The following PTPRG variants were observed in gnomAD, a reference collection of about 807,000 sequenced individuals.
PTPRG encodes protein tyrosine phosphatase receptor type G.
In PTPRG, 102 loss-of-function variants were observed where a neutral mutation model predicts 165.3. The observed-to-expected ratio is 0.62, with a 90% CI of 0.53 to 0.73. The LOEUF (loss-of-function observed/expected upper bound fraction) is 0.73. Among genes scored for constraint, PTPRG ranks in the 30% least tolerant of loss-of-function variants. The probability of loss-of-function intolerance (pLI) is 0.00; values close to 1 mark genes in which losing one functional copy is unlikely to be tolerated. For synonymous variants in PTPRG, 675 were observed against 669.5 expected, an observed-to-expected ratio of 1.01 and a Z score of -0.13; for missense variants, 1,866 against 1,861.4, an observed-to-expected ratio of 1.00 and a Z score of -0.05.
intron 1 of PTPRG, among the ~76,000 whole-genome samples, chr3:61,711,033 G>T (rs1372622741): frequency 6.6e-6 from 1 of 151,876 alleles, no homozygotes; most frequent in African/African-American, 2.4e-5. Context: ...TTGGTTTTCT[G>T]TTCCTTTGTT....
intron 2 of PTPRG, among the ~76,000 whole-genome samples, chr3:61,766,089 C>T (rs921455532): frequency 2.6e-5 from 4 of 152,114 alleles, no homozygotes; most frequent in African/African-American, 9.7e-5. Flanking sequence ...TGCAGGTCTA[C>T]GAGGAGTTTG....
chr3:62,255,047 G>T lies in PTPRG; in HGVS notation c.2468-77G>T. 8.1e-7 allele frequency: 1 copy of T among 1,229,222 alleles called. No individual in the cohort carries two copies. The highest frequency in any genetic ancestry group is 1.2e-6 in the Non-Finnish European group (1 of 861,254). 76.1% of individuals were successfully genotyped at this position (1,229,222 alleles called of 1,614,324 possible). On this transcript the variant is annotated intron_variant, in intron 15 of 29. Transcript: ENST00000474889. The surrounding 1 kb of genome is among the most constrained non-coding windows in gnomAD (Gnocchi z 4.0). ...GCAAAAATCAAGTATTTGTCTTAAG[G>T]ATGCTTTGCTTTATCAGTGTAATTT...
rs1390434136 is a variant in PTPRG at position 62,190,721 on chromosome 3, T to G, written c.1034-748T>G. Among the ~76,000 whole-genome samples the G allele has an allele frequency of 1.3e-5, 2 of 152,196 alleles. No homozygotes were observed. Among genetic ancestry groups the G allele is most frequent in the Non-Finnish European group, 2.9e-5 (2 of 68,030 alleles). The stretch of plus-strand genomic sequence containing the variant: ...TATTTACACTCGGACCTGTTTACAA[T>G]AAGATTTCGTCTACAATTTTAGTTA... On this transcript the variant is annotated intron_variant, in intron 8 of 29. Transcript: ENST00000474889. The surrounding 1 kb of genome is among the most constrained non-coding windows in gnomAD (Gnocchi z 5.2).
At chr3:62,108,666 G>A (rs1702559820) in intron 5 of PTPRG, among the ~76,000 whole-genome samples, 1 of 152,206 alleles carries the variant, frequency 6.6e-6, no homozygotes, top group African/African-American at 2.4e-5. Flanking sequence ...CTCCAACAGT[G>A]TAAAAGCGTT....
chr3:62,032,964 T>A (rs1179323881), intron 4 of PTPRG, among the ~76,000 whole-genome samples: 2 of 152,324 alleles, frequency 1.3e-5, no homozygotes, highest in Non-Finnish European at 2.9e-5. Context: ...AATGGTTGAA[T>A]GACCGACCTA....
At chr3:61,591,642 G>A (rs1299175692) in intron 1 of PTPRG, among the ~76,000 whole-genome samples, 4 of 152,218 alleles carry the variant, frequency 2.6e-5, no homozygotes, top group African/African-American at 9.6e-5. Flanking sequence ...AGTGAGGTGT[G>A]TAGAGGAACT....
intron 13 of PTPRG, among the ~76,000 whole-genome samples, chr3:62,230,308 G>A (rs377679917): frequency 1.3e-5 from 2 of 152,196 alleles, no homozygotes; most frequent in Non-Finnish European, 2.9e-5. Context: ...AACCACCAGC[G>A]GACTCAATAG....
chr3:62,247,154 G>T (rs1343816404), intron 15 of PTPRG, among the ~76,000 whole-genome samples: 1 of 152,104 alleles, frequency 6.6e-6, no homozygotes. Flanking sequence ...TATAGAGACA[G>T]GTACAGTTGA....
intron 7 of PTPRG, among the ~76,000 whole-genome samples, chr3:62,159,214 C>T (rs1200687127): frequency 6.6e-6 from 1 of 151,852 alleles, no homozygotes; most frequent in African/African-American, 2.4e-5. Flanking sequence ...TCTGTTGATC[C>T]CAGCTGCTTG....
At chr3:61,619,980 C>T (rs116418697) in intron 1 of PTPRG, among the ~76,000 whole-genome samples, 1 of 152,146 alleles carries the variant, frequency 6.6e-6, no homozygotes, top group Non-Finnish European at 1.5e-5. Context: ...TACTCCTTCA[C>T]GCTGAGCTCT....
intron 2 of PTPRG, among the ~76,000 whole-genome samples, chr3:61,878,129 C>T (rs956775049): frequency 6.6e-6 from 1 of 152,174 alleles, no homozygotes; most frequent in Admixed American, 6.5e-5. Context: ...CCCAAACTCA[C>T]TGAAACACTT....
chr3:62,204,718 G>A (rs1700183702), intron 12 of PTPRG, among the ~76,000 whole-genome samples: 1 of 152,186 alleles, frequency 6.6e-6, no homozygotes, highest in African/African-American at 2.4e-5. Flanking sequence ...CCTTGCCCAA[G>A]AAATACGGCC....
At chr3:61,930,433 T>C (rs1238078853) in intron 2 of PTPRG, among the ~76,000 whole-genome samples, 1 of 152,196 alleles carries the variant, frequency 6.6e-6, no homozygotes, top group African/African-American at 2.4e-5. Flanking sequence ...CTCAGCAGTG[T>C]GATGAGGGGC....
chr3:61,680,333 A>G (rs1703388317), intron 1 of PTPRG, among the ~76,000 whole-genome samples: 1 of 151,998 alleles, frequency 6.6e-6, no homozygotes, highest in South Asian at 2.1e-4. Context: ...TGAAAGGGAG[A>G]GGGCCTCATC....
chr3:61,682,273 T>C (rs1006906023), intron 1 of PTPRG, among the ~76,000 whole-genome samples: 2 of 152,178 alleles, frequency 1.3e-5, no homozygotes, highest in African/African-American at 4.8e-5. Flanking sequence ...AATTTGATAA[T>C]TCTACTATGA....
chr3:61,989,995 A>AT (rs1332972849), intron 3 of PTPRG, among the ~76,000 whole-genome samples, 191 bp downstream of exon 3: 3 of 152,022 alleles, frequency 2.0e-5, no homozygotes, highest in African/African-American at 7.2e-5. Context: ...CTGTGTCTTC[A>AT]TTTTTTTAAA....
intron 2 of PTPRG, among the ~76,000 whole-genome samples, chr3:61,767,071 C>G (rs2034043107): frequency 6.6e-6 from 1 of 151,240 alleles, no homozygotes; most frequent in African/African-American, 2.4e-5. Flanking sequence ...TGGTGAAACC[C>G]CATCTCTACT....
chr3:61,757,932 T>C (rs2033687304), intron 2 of PTPRG, among the ~76,000 whole-genome samples: 1 of 152,250 alleles, frequency 6.6e-6, no homozygotes, highest in African/African-American at 2.4e-5. Flanking sequence ...ACATGTGTTA[T>C]AATTAGAGCA....
In PTPRG at chr3:62,287,246, C is replaced by T. The variant is rs1702699193; in HGVS notation, c.4055+4377C>T. ...ATTAAACAAATGTTAAATTCTTCCCCTCCTAAACAAAATCAGTACAAATGA... is the reference window on the plus strand; with the variant it reads ...ATTAAACAAATGTTAAATTCTTCCCTTCCTAAACAAAATCAGTACAAATGA... On this transcript the variant is annotated intron_variant, in intron 28 of 29. Transcript: ENST00000474889. Among the ~76,000 whole-genome samples, 3 of 152,062 alleles carry T rather than the reference C, an allele frequency of 2.0e-5. No homozygotes were observed. In the South Asian group the frequency reaches 6.2e-4, roughly 31 times the overall value.
Sources: gnomAD v4.1 joint callset for allele counts (sites outside exome capture counted in the v4.1 genomes callset) on GRCh38, gnomAD v4.1.1 for gene constraint, Gnocchi (gnomAD v3.1) non-coding constraint, MANE v1.5 for transcripts, NCBI Gene and HGNC (gene_info 2026-07-23, HGNC 2026-07-21) for gene names.